The following EIF3F variants were observed in gnomAD, a reference collection of about 807,000 sequenced individuals.
EIF3F encodes deubiquitinating enzyme eIF3f.
Under a neutral mutation model 36.0 loss-of-function variants are expected in EIF3F, and 8 were observed. The ratio of observed to expected loss-of-function variants is 0.22; its 90% CI spans 0.13 to 0.40. The LOEUF is 0.40. Among genes scored for constraint, EIF3F ranks in the 10% least tolerant of loss-of-function variants. The pLI, the probability that EIF3F is intolerant of heterozygous loss-of-function variation, is 1.00. For synonymous variants in EIF3F, 184 were observed against 188.5 expected, an observed-to-expected ratio of 0.98 and a Z score of 0.19; for missense variants, 430 against 467.6, an observed-to-expected ratio of 0.92 and a Z score of 0.74.
chr11:7,987,756 C>T, intron 1 of EIF3F, 40 bp downstream of exon 1: 6 of 1,455,856 alleles, frequency 4.1e-6, no homozygotes, highest in Non-Finnish European at 3.6e-6. Flanking sequence ...TTCTTCCTCC[C>T]ACTTCTCATT....
chr11:7,996,674 G>A lies in EIF3F; in HGVS notation c.*652G>A, dbSNP rs570520507. On this transcript the variant is annotated 3_prime_UTR_variant, in exon 8 of 8. Transcript: ENST00000651655. ...AGCAAAGACTAGATGGCATTTCCCA[G>A]AGGCCTTGTAGGCTAGAGTACTTGC... 1 of 152,378 alleles carries A rather than the reference G, an allele frequency of 6.6e-6. No individual in the cohort carries two copies. The highest frequency in any genetic ancestry group is 2.1e-4 in the South Asian group (1 of 4,832). The allele number at this position is 152,378 out of a possible 1,614,324, so 9.4% of individuals were successfully genotyped here. A position where few individuals can be genotyped will look rare whatever the true frequency, so the allele number is the denominator to read the frequency against.
In EIF3F at chr11:7,995,931, T is replaced by G. The variant is rs1446088323; in HGVS notation, c.997-14T>G. On this transcript the variant is annotated splice_polypyrimidine_tract_variant and intron_variant, in intron 7 of 7. Transcript: ENST00000651655. ...ACCCAACCCCCCACTCATTGTGTAT[T>G]CTTTGTCTTCCAGGACCTTTTGATG... 1 of 1,613,424 alleles carries G rather than the reference T, an allele frequency of 6.2e-7. No homozygotes were observed. Among genetic ancestry groups the G allele is most frequent in the African/African-American group, 1.3e-5 (1 of 74,902 alleles).
At chr11:7,989,583 A>G (rs1056469924) in intron 1 of EIF3F, among the ~76,000 whole-genome samples, 1 of 152,230 alleles carries the variant, frequency 6.6e-6, no homozygotes, top group African/African-American at 2.4e-5. Context: ...TTAGAATTCA[A>G]AGTGTAATAA....
At chr11:7,990,471 A>G (rs536760618) in intron 1 of EIF3F, among the ~76,000 whole-genome samples, 26 of 152,230 alleles carry the variant, frequency 1.7e-4, no homozygotes, top group Non-Finnish European at 3.2e-4. Context: ...GGCCTGGCCT[A>G]GAAAAGGAAC....
chr11:7,994,054 A>C (rs1277841859), intron 4 of EIF3F, among the ~76,000 whole-genome samples: 1 of 152,162 alleles, frequency 6.6e-6, no homozygotes. Flanking sequence ...AATGCTGATG[A>C]AGGGCGTAGT....
chr11:7,987,752 C>T (rs1245639984), intron 1 of EIF3F, 36 bp downstream of exon 1: 1 of 1,458,244 alleles, frequency 6.9e-7, no homozygotes, highest in Non-Finnish European at 9.1e-7. Flanking sequence ...TCTTTTCTTC[C>T]TCCCACTTCT....
intron 3 of EIF3F, 87 bp from the exon 4 acceptor site, chr11:7,992,800 G>C (rs560129402): frequency 1.9e-6 from 3 of 1,580,038 alleles, no homozygotes; most frequent in Non-Finnish European, 2.6e-6. Context: ...AGAAGTGTCC[G>C]GTACCCTGAA....
chr11:7,987,882 C>G (rs755105712), intron 1 of EIF3F, 166 bp downstream of exon 1: 1 of 1,063,564 alleles, frequency 9.4e-7, no homozygotes, highest in Non-Finnish European at 1.2e-6. Flanking sequence ...TGTGACTTAT[C>G]TTCTCAAGCA....
intron 4 of EIF3F, 24 bp from the exon 5 acceptor site, chr11:7,994,402 T>C: frequency 6.2e-7 from 1 of 1,609,236 alleles, no homozygotes; most frequent in Non-Finnish European, 8.5e-7. Flanking sequence ...GGCCATCTGT[T>C]TACTTTGGCT....
In EIF3F at chr11:7,995,051, T is replaced by C; in HGVS notation, c.815T>C (p.Val272Ala). 2 of 1,613,736 alleles carry C rather than the reference T, an allele frequency of 1.2e-6. No homozygotes were observed. Among genetic ancestry groups the C allele is most frequent in the South Asian group, 1.1e-5 (1 of 91,058 alleles). The change falls in exon 6 of 8, where the codon GTA becomes GCA. Residue 272 changes from valine (V) to alanine (A), a missense_variant. Val to Ala is a moderately conservative substitution (Grantham distance 64). This residue lies in a region of EIF3F where 262 missense variants were observed against 347.4 expected (regional missense o/e 0.75). Transcript: ENST00000651655. ...GGACTCTCAAGTGACTTGCAGCAAG[T>C]AGGAGGGGCATCAGCTCGCATCCAG... ...VIGLSSDLQQ[V>A]GGASARIQDA...
Position 7,996,384 on chromosome 11 carries a change from G to T in EIF3F, c.*362G>T. The T allele has an allele frequency of 5.5e-6, 1 of 181,114 alleles. No individual in the cohort carries two copies. The highest frequency in any genetic ancestry group is 2.5e-3 in the Middle Eastern group (1 of 404). 11.2% of individuals were successfully genotyped at this position (181,114 alleles called of 1,614,324 possible). ...GATTCATGTGATTTCTACAGGAAAT[G>T]AAAATAAGAATCCATGGAGAAAAAA... On this transcript the variant is annotated 3_prime_UTR_variant, in exon 8 of 8. Coordinates refer to ENST00000651655, the MANE Select transcript of EIF3F (RefSeq NM_003754.3).
intron 1 of EIF3F, among the ~76,000 whole-genome samples, chr11:7,990,608 G>A (rs1942080496): frequency 6.6e-6 from 1 of 152,098 alleles, no homozygotes; most frequent in Non-Finnish European, 1.5e-5. Context: ...GGAAGTAAGT[G>A]GTCAAGTCTG....
chr11:7,989,798 A>T (rs1942071891), intron 1 of EIF3F, among the ~76,000 whole-genome samples: 1 of 152,246 alleles, frequency 6.6e-6, no homozygotes. Context: ...CAAGAAGTAT[A>T]AAAAAGCCTG....
At chr11:7,992,260 G>T in intron 3 of EIF3F, 97 bp downstream of exon 3, 1 of 1,081,578 alleles carries the variant, frequency 9.2e-7, no homozygotes. Flanking sequence ...CTTCCTTTTG[G>T]AGGCAAGAGT....
rs576825190 is a variant in EIF3F, at chr11:8,001,825, A to T, written c.*5803A>T. The T allele has an allele frequency of 6.6e-6, 1 of 152,292 alleles. No homozygotes were observed. The highest frequency in any genetic ancestry group is 1.5e-5 in the Non-Finnish European group (1 of 68,024). The allele number at this position is 152,292 out of a possible 1,614,324, so 9.4% of individuals were successfully genotyped here. On this transcript the variant is annotated 3_prime_UTR_variant, in exon 8 of 8. Coordinates refer to ENST00000651655, the MANE Select transcript of EIF3F (RefSeq NM_003754.3). ...GCTGTTAATGTAATTTTTCAAAAAA[A>T]TATATAAAAATATAAAAACATGAAA... is the stretch of plus-strand genomic sequence containing the variant.
In EIF3F at chr11:7,997,527, A is replaced by G. The variant is rs1399733076; in HGVS notation, c.*1505A>G. ...AAGTCCAAATAGATCAGTAATTACA[A>G]TAAATGTATAAGTATTAAACTAGCC... On this transcript the variant is annotated 3_prime_UTR_variant, in exon 8 of 8. Coordinates refer to ENST00000651655, the MANE Select transcript of EIF3F (RefSeq NM_003754.3). 2 of 152,240 alleles carry G rather than the reference A, an allele frequency of 1.3e-5. No homozygotes were observed. Among genetic ancestry groups the G allele is most frequent in the Admixed American group, 1.3e-4 (2 of 15,282 alleles). 9.4% of individuals were successfully genotyped at this position (152,240 alleles called of 1,614,324 possible). A position where few individuals can be genotyped will look rare whatever the true frequency, so the allele number is the denominator to read the frequency against.
chr11:7,993,818 C>G (rs1942127549), intron 4 of EIF3F, among the ~76,000 whole-genome samples: 1 of 144,164 alleles, frequency 6.9e-6, no homozygotes, highest in Non-Finnish European at 1.5e-5. Flanking sequence ...GTATTTCAGA[C>G]TCCTCAAGAT....
rs1485802245 is a variant in EIF3F at position 7,999,993 on chromosome 11, C to T, written c.*3971C>T. 1 of 152,106 alleles carries T rather than the reference C, an allele frequency of 6.6e-6. No individual in the cohort carries two copies. The highest frequency in any genetic ancestry group is 1.5e-5 in the Non-Finnish European group (1 of 68,050). 9.4% of individuals were successfully genotyped at this position (152,106 alleles called of 1,614,324 possible). A position where few individuals can be genotyped will look rare whatever the true frequency, so the allele number is the denominator to read the frequency against. ...CCAAGGCAGGTGGATCATTTGAGGT[C>T]AGAAGTTCTTGACCAGCCTGGCCAA... On this transcript the variant is annotated 3_prime_UTR_variant, in exon 8 of 8. Coordinates refer to ENST00000651655, the MANE Select transcript of EIF3F (RefSeq NM_003754.3).
chr11:7,991,904 G>T, intron 2 of EIF3F, 53 bp downstream of exon 2: 1 of 1,601,006 alleles, frequency 6.2e-7, no homozygotes, highest in Non-Finnish European at 8.5e-7. Flanking sequence ...TCATTTGCTC[G>T]GCTCCCCTCA....
Sources: allele counts gnomAD v4.1 joint callset (sites outside exome capture counted in the v4.1 genomes callset), GRCh38; gene constraint gnomAD v4.1.1; regional missense constraint gnomAD v4.1.1; transcripts MANE v1.5; gene names NCBI Gene and HGNC (gene_info 2026-07-23, HGNC 2026-07-21).